The following RARB variants were observed in gnomAD, a reference collection of about 807,000 sequenced individuals.
RARB encodes the protein HBV-activated protein.
Under a neutral mutation model 51.9 loss-of-function variants are expected in RARB, and 17 were observed. That is an observed-to-expected ratio of 0.33 (90% CI 0.22 to 0.49). RARB has a LOEUF of 0.49. Ranked by LOEUF, RARB falls within the 20% of genes least tolerant of loss-of-function variation. RARB has a pLI of 0.99. For missense variants in RARB, 369 were observed against 550.8 expected (o/e 0.67, Z 3.30); for synonymous variants, 215 against 195.4 (o/e 1.10, Z -0.84).
chr3:25,512,236 A>T (rs888455599), intron 3 of RARB, among the ~76,000 whole-genome samples: 3 of 152,228 alleles, frequency 2.0e-5, no homozygotes, highest in African/African-American at 7.2e-5. Flanking sequence ...GTATTCATTC[A>T]TCAGCGGTCC....
intron 3 of RARB, among the ~76,000 whole-genome samples, chr3:25,568,637 C>T (rs1700589286): frequency 6.6e-6 from 1 of 152,170 alleles, no homozygotes; most frequent in South Asian, 2.1e-4. Flanking sequence ...AGGGAACTGC[C>T]AGTTCTCAAA....
At chr3:24,835,283 G>A (rs1363855271) in intron 1 of RARB, among the ~76,000 whole-genome samples, 1 of 152,186 alleles carries the variant, frequency 6.6e-6, no homozygotes, top group Non-Finnish European at 1.5e-5. Flanking sequence ...CTGATGAAAT[G>A]TGTCTGTGGA....
At chr3:25,513,108 T>C (rs1697978211) in intron 3 of RARB, among the ~76,000 whole-genome samples, 1 of 136,598 alleles carries the variant, frequency 7.3e-6, no homozygotes, top group African/African-American at 2.9e-5. Context: ...TAAAACCCTG[T>C]CTTTACTAAA....
chr3:25,479,153 TTC>T (rs1696106462), intron 2 of RARB, among the ~76,000 whole-genome samples: 5 of 151,060 alleles, frequency 3.3e-5, no homozygotes, highest in East Asian at 4.0e-4. Flanking sequence ...TCTGTCTGTC[TTC>T]TTTTTTTTTT....
intron 3 of RARB, among the ~76,000 whole-genome samples, chr3:25,512,286 A>G (rs1033540456): frequency 4.6e-5 from 7 of 152,188 alleles, no homozygotes; most frequent in Non-Finnish European, 8.8e-5. Context: ...CTTCCGACCC[A>G]GTGGTCCCTT....
intron 2 of RARB, among the ~76,000 whole-genome samples, chr3:24,923,383 AAG>A (rs1189080125): frequency 1.3e-5 from 2 of 152,222 alleles, no homozygotes; most frequent in African/African-American, 4.8e-5. Flanking sequence ...ATCATGCTAA[AAG>A]AATTCATTTG....
chr3:25,582,636 T>G (rs1701224238), intron 5 of RARB, among the ~76,000 whole-genome samples: 1 of 151,996 alleles, frequency 6.6e-6, no homozygotes, highest in Non-Finnish European at 1.5e-5. Flanking sequence ...CTCCACAAGA[T>G]TTAAATCCCC....
At chr3:24,868,048 G>GA (rs530270737) in intron 2 of RARB, among the ~76,000 whole-genome samples, 39 of 152,232 alleles carry the variant, frequency 2.6e-4, no homozygotes, top group African/African-American at 9.1e-4. Flanking sequence ...ACGGCTTGCA[G>GA]AAAAAACGGG....
chr3:24,980,194 C>T (rs1023953901), intron 2 of RARB, among the ~76,000 whole-genome samples: 2 of 152,142 alleles, frequency 1.3e-5, no homozygotes, highest in Non-Finnish European at 2.9e-5. Context: ...CTCTGGCTGC[C>T]CTTAACATTT....
At chr3:25,571,183 G>A (rs1700696829) in intron 4 of RARB, among the ~76,000 whole-genome samples, 1 of 152,232 alleles carries the variant, frequency 6.6e-6, no homozygotes. Flanking sequence ...AAACAGACAA[G>A]TCTCCTGGCT....
intron 5 of RARB, among the ~76,000 whole-genome samples, chr3:25,375,812 C>G (rs893977832): frequency 2.0e-5 from 3 of 152,152 alleles, no homozygotes; most frequent in Non-Finnish European, 2.9e-5. Flanking sequence ...CAGCCACAAT[C>G]AGCCATACCA....
At chr3:24,899,130 C>T (rs555274532) in intron 2 of RARB, among the ~76,000 whole-genome samples, 136 of 152,218 alleles carry the variant, frequency 8.9e-4, no homozygotes, top group Non-Finnish European at 1.7e-3. Context: ...ATTTTCGAGG[C>T]CTGGTGCACA....
chr3:25,081,615 ATATATATTTTTTTTTTTTTT>A (rs1377461614), intron 3 of RARB, among the ~76,000 whole-genome samples: 2 of 10,354 alleles, frequency 1.9e-4, no homozygotes, highest in African/African-American at 8.8e-4. Context: ...ATATATATAT[ATATATATTTTTTTTTTTTTT>A]TTTTTTTTTT....
chr3:25,180,986 A>G (rs941338403), intron 5 of RARB, among the ~76,000 whole-genome samples: 1 of 152,182 alleles, frequency 6.6e-6, no homozygotes, highest in Non-Finnish European at 1.5e-5. Flanking sequence ...GAAAAGGGAA[A>G]TAGAGAAGGT....
chr3:25,330,131 C>T (rs1004034178), intron 5 of RARB, among the ~76,000 whole-genome samples: 9 of 152,132 alleles, frequency 5.9e-5, no homozygotes, highest in Admixed American at 5.9e-4. Context: ...GCCAGCAAGA[C>T]AGGCCAACAT....
chr3:24,916,957 T>A (rs1695119810), intron 2 of RARB, among the ~76,000 whole-genome samples: 1 of 152,156 alleles, frequency 6.6e-6, no homozygotes, highest in Non-Finnish European at 1.5e-5. Flanking sequence ...TAACACAAAC[T>A]GTACACATTC....
At position 25,256,307 on chromosome 3, in the gene RARB, G is replaced by C. The variant is rs533331967; in HGVS notation, c.178+81732G>C. Among the ~76,000 whole-genome samples, 5 of 152,220 alleles carry C rather than the reference G, an allele frequency of 3.3e-5. No homozygotes were observed. In the East Asian group the frequency reaches 9.6e-4, roughly 29 times the overall value. ...AAGGAATTAAACATACATATGTGAA[G>C]AATCTGAAGAACACACTGTTACCTT... On this transcript the variant is annotated intron_variant, in intron 5 of 11. Transcript: ENST00000383772.
chr3:25,355,523 G>A (rs187286641), intron 5 of RARB, among the ~76,000 whole-genome samples: 1 of 151,980 alleles, frequency 6.6e-6, no homozygotes, highest in East Asian at 1.9e-4. Flanking sequence ...TTGTTTATTT[G>A]TCACTTCTCC....
intron 2 of RARB, among the ~76,000 whole-genome samples, chr3:25,485,444 T>G (rs575350205): frequency 2.2e-4 from 34 of 152,300 alleles, no homozygotes; most frequent in Admixed American, 9.8e-4. Context: ...TTTCATGGCT[T>G]CAGGTCTAGC....
Sources: allele counts gnomAD v4.1 joint callset (sites outside exome capture counted in the v4.1 genomes callset), GRCh38; gene constraint gnomAD v4.1.1; transcripts MANE v1.5; gene names NCBI Gene and HGNC (gene_info 2026-07-23, HGNC 2026-07-21).